The following FXR1 variants were observed in gnomAD, a reference collection of about 807,000 sequenced individuals.
FXR1 encodes RNA-binding protein FXR1.
Under a neutral mutation model 84.0 loss-of-function variants are expected in FXR1, and 15 were observed. That is an observed-to-expected ratio of 0.18 (90% confidence interval 0.12 to 0.27). The LOEUF (loss-of-function observed/expected upper bound fraction) is 0.27. Ranked by LOEUF, FXR1 falls within the 10% of genes least tolerant of loss-of-function variation. The probability of loss-of-function intolerance (pLI) is 1.00; values close to 1 mark genes in which losing one functional copy is unlikely to be tolerated. For synonymous variants in FXR1, 245 were observed against 250.7 expected (o/e 0.98, Z 0.21); for missense variants, 480 against 774.4 (o/e 0.62, Z 4.51).
intron 1 of FXR1, chr3:180,933,092 A>G (rs1720121597): frequency 4.4e-6 from 2 of 457,868 alleles, no homozygotes; most frequent in Non-Finnish European, 7.7e-6. Context: ...CCAGGGATGT[A>G]CATTTACTTT....
At chr3:180,954,483 A>C (rs995547388) in intron 9 of FXR1, among the ~76,000 whole-genome samples, 1 of 152,246 alleles carries the variant, frequency 6.6e-6, no homozygotes, top group Non-Finnish European at 1.5e-5. Context: ...TGAGCATTAT[A>C]GCTTGGAATG....
intron 15 of FXR1, chr3:180,970,629 G>C (rs1713447632): frequency 6.5e-6 from 1 of 153,446 alleles, no homozygotes; most frequent in Non-Finnish European, 1.4e-5. Context: ...CAAATATTCA[G>C]CTGGCAAGGT....
chr3:180,943,657 A>G (rs1320227927), intron 3 of FXR1, among the ~76,000 whole-genome samples: 1 of 152,198 alleles, frequency 6.6e-6, no homozygotes, highest in Non-Finnish European at 1.5e-5. Context: ...TGAAGCTTAC[A>G]GAAGTGGATA....
Position 180,981,629 on chromosome 3 carries a change from C to T in FXR1, c.*5337C>T, listed in dbSNP as rs1295528402. 6.6e-6 allele frequency: 1 copy of T among 151,790 alleles called. No individual in the cohort carries two copies. The highest frequency in any genetic ancestry group is 1.5e-5 in the Non-Finnish European group (1 of 67,912). 9.4% of individuals were successfully genotyped at this position (151,790 alleles called of 1,614,324 possible). On this transcript the variant is annotated 3_prime_UTR_variant, in exon 17 of 17. Transcript: ENST00000357559. ...TGTGAAGGCTATAGATAGGAATTCCCCACAAACTTCTAATGAGGACTAATA... is the reference window on the plus strand; with the variant it reads ...TGTGAAGGCTATAGATAGGAATTCCTCACAAACTTCTAATGAGGACTAATA...
At chr3:180,927,200 T>C (rs1352055071) in intron 1 of FXR1, among the ~76,000 whole-genome samples, 1 of 152,084 alleles carries the variant, frequency 6.6e-6, no homozygotes, top group Non-Finnish European at 1.5e-5. Flanking sequence ...TTGGCAAAAG[T>C]ATTTCATCAT....
chr3:180,980,661 G>A lies in FXR1; in HGVS notation c.*4369G>A, dbSNP rs1053858912. On this transcript the variant is annotated 3_prime_UTR_variant, in exon 17 of 17. Transcript: ENST00000357559. ...TAACTGAAACTGCTGTAAGGTGTTAGCAAATGTTAACCATAACAGATTATC... is the reference window on the plus strand; with the variant it reads ...TAACTGAAACTGCTGTAAGGTGTTAACAAATGTTAACCATAACAGATTATC... The A allele has an allele frequency of 3.9e-5, 6 of 152,096 alleles. No individual in the cohort carries two copies. Among genetic ancestry groups the A allele is most frequent in the African/African-American group, 1.4e-4 (6 of 41,544 alleles). 9.4% of individuals were successfully genotyped at this position (152,096 alleles called of 1,614,324 possible).
intron 7 of FXR1, 118 bp downstream of exon 7, chr3:180,949,461 A>G (rs768151543): frequency 1.4e-6 from 1 of 698,274 alleles, no homozygotes; most frequent in Non-Finnish European, 2.6e-6. Context: ...ATCTTGGCTT[A>G]CTGCAACCTC....
At chr3:180,921,396 A>G (rs914249507) in intron 1 of FXR1, among the ~76,000 whole-genome samples, 7 of 152,020 alleles carry the variant, frequency 4.6e-5, no homozygotes, top group Non-Finnish European at 7.4e-5. Flanking sequence ...AAAACTTGTA[A>G]TAATTATTGT....
chr3:180,973,673 G>T (rs576496667), intron 15 of FXR1, among the ~76,000 whole-genome samples: 1 of 152,262 alleles, frequency 6.6e-6, no homozygotes, highest in East Asian at 1.9e-4. Context: ...CAAGATGAGC[G>T]TACTGTTTCT....
chr3:180,959,650 C>A (rs192176272), intron 10 of FXR1, among the ~76,000 whole-genome samples: 1 of 151,722 alleles, frequency 6.6e-6, no homozygotes, highest in African/African-American at 2.4e-5. Context: ...CTCCCACCCC[C>A]CTTTTTATTC....
At position 180,979,984 on chromosome 3, in the gene FXR1, A is replaced by G. The variant is rs1438575086; in HGVS notation, c.*3692A>G. 6.6e-6 allele frequency: 1 copy of G among 152,064 alleles called. No homozygotes were observed. Among genetic ancestry groups the G allele is most frequent in the Non-Finnish European group, 1.5e-5 (1 of 67,948 alleles). 9.4% of individuals were successfully genotyped at this position (152,064 alleles called of 1,614,324 possible). A position where few individuals can be genotyped will look rare whatever the true frequency, so the allele number is the denominator to read the frequency against. On this transcript the variant is annotated 3_prime_UTR_variant, in exon 17 of 17. Coordinates refer to ENST00000357559, the MANE Select transcript of FXR1 (RefSeq NM_005087.4). ...GTCCATTTGCTTATTTCTTCCTTTG[A>G]TAATTCAAAAAGATGCTTTAGGTAA... is the stretch of plus-strand genomic sequence containing the variant.
intron 1 of FXR1, among the ~76,000 whole-genome samples, chr3:180,917,234 T>A (rs2108418551): frequency 6.6e-6 from 1 of 152,058 alleles, no homozygotes; most frequent in South Asian, 2.1e-4. Context: ...TTTAGCTTGA[T>A]TTAATATTAA....
At chr3:180,961,717 C>T (rs1235874647) in intron 11 of FXR1, among the ~76,000 whole-genome samples, 163 bp downstream of exon 11, 1 of 152,042 alleles carries the variant, frequency 6.6e-6, no homozygotes, top group Non-Finnish European at 1.5e-5. Context: ...TCAGATTTGC[C>T]ATTGTTCTAC....
intron 1 of FXR1, among the ~76,000 whole-genome samples, chr3:180,926,499 TA>T (rs60180294): frequency 0.096 from 9,768 of 101,356 alleles, 455 homozygotes; most frequent in East Asian, 0.21. Context: ...TATATATATA[TA>T]TATATATTTT....
At chr3:180,969,707 AAC>A (rs1227902234) in intron 14 of FXR1, among the ~76,000 whole-genome samples, 1 of 152,196 alleles carries the variant, frequency 6.6e-6, no homozygotes, top group Non-Finnish European at 1.5e-5. Context: ...CATCAACATC[AAC>A]ACAACAAAGC....
chr3:180,959,879 T>G (rs1711863942), intron 10 of FXR1, among the ~76,000 whole-genome samples: 1 of 152,166 alleles, frequency 6.6e-6, no homozygotes, highest in South Asian at 2.1e-4. Flanking sequence ...ATCATTACTC[T>G]TAAAAATTAC....
At chr3:180,933,881 C>A (rs1438152900) in intron 2 of FXR1, among the ~76,000 whole-genome samples, 1 of 152,092 alleles carries the variant, frequency 6.6e-6, no homozygotes, top group East Asian at 1.9e-4. Context: ...GAGGCCGAGG[C>A]GGGCAGATCA....
intron 3 of FXR1, among the ~76,000 whole-genome samples, chr3:180,939,331 T>C (rs1720875679): frequency 1.3e-5 from 2 of 152,200 alleles, no homozygotes; most frequent in African/African-American, 2.4e-5. Context: ...TGTAATTTTT[T>C]GGTCAATAAA....
chr3:180,969,847 A>G (rs565183405), intron 14 of FXR1, among the ~76,000 whole-genome samples: 24 of 152,152 alleles, frequency 1.6e-4, no homozygotes, highest in Non-Finnish European at 3.4e-4. Flanking sequence ...TGAAATGTGA[A>G]TGCAAGAATT....
Sources: allele counts gnomAD v4.1 joint callset (sites outside exome capture counted in the v4.1 genomes callset), GRCh38; gene constraint gnomAD v4.1.1; transcripts MANE v1.5; gene names NCBI Gene and HGNC (gene_info 2026-07-23, HGNC 2026-07-21).